ENTREP2: variants seen among roughly 807,000 people sequenced by gnomAD.
ENTREP2 encodes protein ENTREP2.
the ENTREP2 span, among the ~76,000 whole-genome samples, chr15:29,510,842 A>G: frequency 6.6e-6 from 1 of 151,456 alleles, no homozygotes; most frequent in Non-Finnish European, 1.5e-5. Context: ...CATATACACC[A>G]TGGAATACTA....
At chr15:29,221,129 G>C in the ENTREP2 span, among the ~76,000 whole-genome samples, 3 of 152,096 alleles carry the variant, frequency 2.0e-5, no homozygotes, top group Non-Finnish European at 4.4e-5. Flanking sequence ...CTCTTTGAAA[G>C]CATGTCTTCC....
the ENTREP2 span, among the ~76,000 whole-genome samples, chr15:29,296,334 T>C: frequency 3.9e-5 from 6 of 152,084 alleles, no homozygotes; most frequent in Non-Finnish European, 8.8e-5. Context: ...TCCTGAAAGT[T>C]TGGATTATAG....
chr15:29,635,676 T>G, the ENTREP2 span, among the ~76,000 whole-genome samples: 1 of 152,198 alleles, frequency 6.6e-6, no homozygotes, highest in East Asian at 1.9e-4. Flanking sequence ...TCAGGTCATC[T>G]GAGACTGATC....
the ENTREP2 span, among the ~76,000 whole-genome samples, chr15:29,231,894 C>CT: frequency 1.1e-3 from 151 of 134,680 alleles, 2 homozygotes; most frequent in Admixed American, 5.9e-3. Context: ...TCTTTTCTTT[C>CT]TTTTTTTTTT....
chr15:29,426,085 CAAGTA>C, the ENTREP2 span, among the ~76,000 whole-genome samples: 2 of 151,304 alleles, frequency 1.3e-5, no homozygotes, highest in African/African-American at 2.4e-5. Context: ...ATTTTAATAA[CAAGTA>C]AAGGTATTAA....
chr15:29,349,865 A>G, the ENTREP2 span, among the ~76,000 whole-genome samples: 1 of 152,142 alleles, frequency 6.6e-6, no homozygotes, highest in Admixed American at 6.5e-5. Flanking sequence ...ACCACTCTGC[A>G]CTCCAGCGTG....
chr15:29,636,078 G>A, the ENTREP2 span, among the ~76,000 whole-genome samples: 1 of 152,218 alleles, frequency 6.6e-6, no homozygotes, highest in African/African-American at 2.4e-5. Context: ...AGGACAGAAA[G>A]AAAGAGAAAC....
At chr15:29,240,735 C>G in the ENTREP2 span, among the ~76,000 whole-genome samples, 1 of 152,260 alleles carries the variant, frequency 6.6e-6, no homozygotes, top group East Asian at 1.9e-4. Context: ...GATTTGTGAA[C>G]GGCTAACAGC....
the ENTREP2 span, among the ~76,000 whole-genome samples, chr15:29,587,160 T>A: frequency 7.4e-6 from 1 of 134,750 alleles, no homozygotes; most frequent in Non-Finnish European, 1.7e-5. Context: ...TGTGTGTGTG[T>A]GTGTGTGTGT....
the ENTREP2 span, among the ~76,000 whole-genome samples, chr15:29,583,679 G>T: frequency 6.6e-6 from 1 of 152,170 alleles, no homozygotes. Flanking sequence ...AAGTAAGGAT[G>T]CAGATAAACT....
At chr15:29,379,637 C>T in the ENTREP2 span, among the ~76,000 whole-genome samples, 2 of 152,090 alleles carry the variant, frequency 1.3e-5, no homozygotes, top group East Asian at 1.9e-4. Flanking sequence ...AGTCCTGAGA[C>T]CCCAGCCTGC....
chr15:29,604,436 A>C, the ENTREP2 span, among the ~76,000 whole-genome samples: 18 of 152,348 alleles, frequency 1.2e-4, no homozygotes, highest in African/African-American at 4.3e-4. Flanking sequence ...ATAATTTTTG[A>C]AAGTGATAAA....
At chr15:29,183,386 T>C in the ENTREP2 span, among the ~76,000 whole-genome samples, 1 of 152,152 alleles carries the variant, frequency 6.6e-6, no homozygotes, top group African/African-American at 2.4e-5. Context: ...TGGAGTGCGG[T>C]GACTAAAGTC....
the ENTREP2 span, among the ~76,000 whole-genome samples, chr15:29,616,627 TTAAGTA>T: frequency 6.6e-6 from 1 of 152,222 alleles, no homozygotes; most frequent in African/African-American, 2.4e-5. Flanking sequence ...TCATACTGCT[TTAAGTA>T]TAACAAAAAG....
the ENTREP2 span, chr15:29,234,258 A>C: frequency 2.5e-6 from 4 of 1,612,542 alleles, no homozygotes; most frequent in South Asian, 4.4e-5. Flanking sequence ...TCTTCCGCAG[A>C]AGGAGTTTTA....
At chr15:29,220,864 T>A in the ENTREP2 span, among the ~76,000 whole-genome samples, 1 of 152,172 alleles carries the variant, frequency 6.6e-6, no homozygotes, top group Admixed American at 6.5e-5. Context: ...TATTTCACCT[T>A]TATTTTGGTC....
At chr15:29,549,598 T>A in the ENTREP2 span, among the ~76,000 whole-genome samples, 1 of 152,114 alleles carries the variant, frequency 6.6e-6, no homozygotes, top group Admixed American at 6.6e-5. Context: ...TTTCCATAAT[T>A]CAAGAGTTCA....
At chr15:29,136,369 G>A in the ENTREP2 span, 3 of 1,502,606 alleles carry the variant, frequency 2.0e-6, no homozygotes, top group Admixed American at 4.9e-5. Context: ...GCCTCACCTG[G>A]CTGGCAGGGG....
chr15:29,196,256 C>T, the ENTREP2 span, among the ~76,000 whole-genome samples: 1 of 152,186 alleles, frequency 6.6e-6, no homozygotes, highest in Non-Finnish European at 1.5e-5. Context: ...GCAACACTTT[C>T]AAAATCAAAA....
Sources: allele counts gnomAD v4.1 joint callset (sites outside exome capture counted in the v4.1 genomes callset), GRCh38; gene constraint gnomAD v4.1.1; transcripts MANE v1.5; gene names NCBI Gene and HGNC (gene_info 2026-07-23, HGNC 2026-07-21).